Variants in EFR3A observed in about 807,000 individuals in gnomAD.
EFR3A encodes the protein EFR3 homolog A.
EFR3A carries 76 observed loss-of-function variants against 104.4 expected under a neutral mutation model. That is an observed-to-expected ratio of 0.73 (90% confidence interval 0.60 to 0.88). The LOEUF (loss-of-function observed/expected upper bound fraction) is 0.88, where lower values mean the gene tolerates loss of function less well. Ranked by LOEUF, EFR3A falls within the 40% of genes least tolerant of loss-of-function variation. The pLI, the probability that EFR3A is intolerant of heterozygous loss-of-function variation, is 0.00. For missense variants in EFR3A, 985 were observed against 1,012.5 expected (o/e 0.97, Z 0.37); for synonymous variants, 330 against 330.0 (o/e 1.00, Z 0.00).
intron 14 of EFR3A, among the ~76,000 whole-genome samples, chr8:131,982,320 G>A (rs980291305): frequency 6.6e-6 from 1 of 151,832 alleles, no homozygotes; most frequent in African/African-American, 2.4e-5. Flanking sequence ...CTCTATTTTG[G>A]TAAAATTCAT....
In EFR3A at chr8:131,904,238, C is replaced by A. The variant is rs887321729; in HGVS notation, c.-75C>A. ...CCGGCCTCCGCGGCCCAGCAACGGC[C>A]GTCATGGTGCCGTCGGCGCTCCCTG... On this transcript the variant is annotated 5_prime_UTR_variant, in exon 1 of 23. Coordinates refer to ENST00000254624, the MANE Select transcript of EFR3A (RefSeq NM_015137.6). 5 of 1,271,398 alleles carry A rather than the reference C, an allele frequency of 3.9e-6. No homozygotes were observed. The African/African-American group carries it at 4.6e-5, about 12-fold the overall frequency. The allele number at this position is 1,271,398 out of a possible 1,614,324, so 78.8% of individuals were successfully genotyped here. A position where few individuals can be genotyped will look rare whatever the true frequency, so the allele number is the denominator to read the frequency against.
chr8:131,921,616 T>G (rs1280494476), intron 1 of EFR3A, among the ~76,000 whole-genome samples: 5 of 152,224 alleles, frequency 3.3e-5, no homozygotes, highest in Non-Finnish European at 7.3e-5. Context: ...ATAATCTTTT[T>G]TTCTTTTACT....
rs1818963550 is a variant in EFR3A, at chr8:131,955,904, G to A, written c.775G>A (p.Ala259Thr). 2.5e-6 allele frequency: 4 copies of A among 1,612,444 alleles called. No individual in the cohort carries two copies. Among genetic ancestry groups the A allele is most frequent in the Non-Finnish European group, 3.4e-6 (4 of 1,179,188 alleles). Residue 259 changes from alanine (A) to threonine (T), a missense_variant and splice_region_variant, in exon 7 of 23, where the codon GCG becomes ACG. Physicochemically the swap from Ala to Thr is moderately conservative, Grantham distance 58. Coordinates refer to ENST00000254624, the MANE Select transcript of EFR3A (RefSeq NM_015137.6). ...NMNNAVRPVF[A>T]HLDHHKLWDP... Reference sequence around the variant, plus strand: ...GAATAATGCTGTTAGACCAGTTTTTGCGTAAGTAGTTGGTGTTTTCCTGGT... The same window carrying A: ...GAATAATGCTGTTAGACCAGTTTTTACGTAAGTAGTTGGTGTTTTCCTGGT...
At chr8:131,996,538 G>A (rs2130790930) in intron 19 of EFR3A, 41 bp downstream of exon 19, 1 of 1,349,830 alleles carries the variant, frequency 7.4e-7, no homozygotes, top group Non-Finnish European at 1.0e-6. Flanking sequence ...TGTCTTGGTA[G>A]ACATCATTTA....
At position 132,003,279 on chromosome 8, in the gene EFR3A, C is replaced by T; in HGVS notation, c.2354C>T (p.Thr785Ile). 3 of 1,612,414 alleles carry T rather than the reference C, an allele frequency of 1.9e-6. No individual in the cohort carries two copies. The highest frequency in any genetic ancestry group is 2.5e-6 in the Non-Finnish European group (3 of 1,179,084). ...AGACTTGCCCAAATATTGGAACTCA[C>T]CATACGGTAAGGGTTTTGTTATCAC... ...HDRLAQILEL[T>I]IRPPPSPSGT... Residue 785 changes from threonine to isoleucine, a missense_variant, in exon 22 of 23, where the codon ACC becomes ATC. Transcript: ENST00000254624.
chr8:131,989,662 T>C (rs1337582901), intron 18 of EFR3A, among the ~76,000 whole-genome samples: 1 of 152,196 alleles, frequency 6.6e-6, no homozygotes, highest in African/African-American at 2.4e-5. Context: ...TTTCTTTCTC[T>C]AATTTCTACT....
chr8:131,976,918 A>C (rs1046776493), intron 11 of EFR3A, 123 bp from the exon 12 acceptor site: 13 of 619,640 alleles, frequency 2.1e-5, no homozygotes, highest in Non-Finnish European at 2.8e-5. Flanking sequence ...GCCATGACTT[A>C]AACTGTTACA....
chr8:131,967,512 C>T (rs1470405337), intron 8 of EFR3A, among the ~76,000 whole-genome samples: 1 of 151,042 alleles, frequency 6.6e-6, no homozygotes, highest in African/African-American at 2.4e-5. Flanking sequence ...TGATAGTAGA[C>T]CGATCGTGAC....
At position 132,003,304 on chromosome 8, in the gene EFR3A, C is replaced by T. The variant is rs1821880224; in HGVS notation, c.2360+19C>T. 2 of 1,606,808 alleles carry T rather than the reference C, an allele frequency of 1.2e-6. No individual in the cohort carries two copies. The highest frequency in any genetic ancestry group is 1.3e-5 in the African/African-American group (1 of 74,706). On this transcript the variant is annotated intron_variant, in intron 22 of 22. Coordinates refer to ENST00000254624, the MANE Select transcript of EFR3A (RefSeq NM_015137.6). ...CCATACGGTAAGGGTTTTGTTATCA[C>T]AATAGCAATAACACACACACACGAA...
intron 1 of EFR3A, among the ~76,000 whole-genome samples, chr8:131,920,292 T>A (rs972133393): frequency 6.6e-6 from 1 of 152,076 alleles, no homozygotes; most frequent in Non-Finnish European, 1.5e-5. Flanking sequence ...AAACGTTCTC[T>A]CCCCCTTTTC....
intron 21 of EFR3A, among the ~76,000 whole-genome samples, 160 bp from the exon 22 acceptor site, chr8:132,003,076 T>C (rs1821865440): frequency 6.6e-6 from 1 of 152,182 alleles, no homozygotes; most frequent in South Asian, 2.1e-4. Context: ...TAAATTCTAA[T>C]AGATAAGACA....
At chr8:131,971,956 C>T (rs897630978) in intron 10 of EFR3A, among the ~76,000 whole-genome samples, 1 of 152,128 alleles carries the variant, frequency 6.6e-6, no homozygotes, top group Non-Finnish European at 1.5e-5. Context: ...ATCTAGCAAT[C>T]ATTTATAATT....
chr8:131,972,073 G>A (rs1020386902), intron 10 of EFR3A, among the ~76,000 whole-genome samples: 1 of 151,982 alleles, frequency 6.6e-6, no homozygotes, highest in Admixed American at 6.6e-5. Context: ...TTGTAAGCAG[G>A]GGCCCCCTTT....
chr8:131,980,078 A>G lies in EFR3A; in HGVS notation c.1575+657A>G, dbSNP rs957412818. Reference sequence around the variant, plus strand: ...GTCAATATTAAGAGATACGATAACCATGACACTGCCAGCTGCCCTTATAAC... The same window carrying G: ...GTCAATATTAAGAGATACGATAACCGTGACACTGCCAGCTGCCCTTATAAC... On this transcript the variant is annotated intron_variant, in intron 14 of 22. Coordinates refer to ENST00000254624, the MANE Select transcript of EFR3A (RefSeq NM_015137.6). Among the ~76,000 whole-genome samples, 7 of 152,202 alleles carry G rather than the reference A, an allele frequency of 4.6e-5. No individual in the cohort carries two copies. In the East Asian group the frequency reaches 1.2e-3, roughly 25 times the overall value.
intron 18 of EFR3A, among the ~76,000 whole-genome samples, chr8:131,989,592 A>G (rs560095767): frequency 4.6e-5 from 7 of 152,238 alleles, no homozygotes; most frequent in Non-Finnish European, 5.9e-5. Flanking sequence ...TGATTTCACT[A>G]TTTTTCAGGG....
chr8:131,992,827 T>C (rs1821262317), intron 18 of EFR3A, among the ~76,000 whole-genome samples: 1 of 152,074 alleles, frequency 6.6e-6, no homozygotes, highest in South Asian at 2.1e-4. Flanking sequence ...GTTGGTAAGA[T>C]CTGATGAGAG....
At chr8:131,927,358 A>G (rs1817353509) in intron 1 of EFR3A, among the ~76,000 whole-genome samples, 1 of 152,130 alleles carries the variant, frequency 6.6e-6, no homozygotes, top group Non-Finnish European at 1.5e-5. Context: ...CTCAGTATCC[A>G]AGCTATCAGA....
rs1330395703 is a variant in EFR3A at position 131,982,398 on chromosome 8, T to TTGAATTCTTTC, written c.1576-1740_1576-1730dup. Among the ~76,000 whole-genome samples the TTGAATTCTTTC allele has an allele frequency of 8.5e-5, 13 of 152,126 alleles. 1 individual carries two copies. Among genetic ancestry groups the TTGAATTCTTTC allele is most frequent in the Admixed American group, 2.0e-4 (3 of 15,250 alleles). ...CAAGTTTTCTTTTGTTGTCAGACATTTGAATTCTTTCCAGTTAGTGAGTGT... is the reference window on the plus strand; with the variant it reads ...CAAGTTTTCTTTTGTTGTCAGACATTTGAATTCTTTCTGAATTCTTTCCAGTTAGTGAGTGT... On this transcript the variant is annotated intron_variant, in intron 14 of 22. Transcript: ENST00000254624.
In EFR3A at chr8:132,009,711, G is replaced by A. The variant is rs571472785; in HGVS notation, c.2361-1079G>A. ...TTCACTTCTTTTGCCAAGGTAGACA[G>A]CTTCACTCATTGTTTAGAAAAATAC... is the stretch of plus-strand genomic sequence containing the variant. On this transcript the variant is annotated intron_variant, in intron 22 of 22. Coordinates refer to ENST00000254624, the MANE Select transcript of EFR3A (RefSeq NM_015137.6). 1.8e-3 allele frequency among the ~76,000 whole-genome samples: 281 copies of A among 152,158 alleles called. 2 individuals carry two copies. The highest frequency in any genetic ancestry group is 6.5e-3 in the African/African-American group (272 of 41,536).
Sources: gnomAD v4.1 joint callset for allele counts (sites outside exome capture counted in the v4.1 genomes callset) on GRCh38, gnomAD v4.1.1 for gene constraint, MANE v1.5 for transcripts, NCBI Gene and HGNC (gene_info 2026-07-23, HGNC 2026-07-21) for gene names.